Variants in EXT2 observed in about 807,000 individuals in gnomAD.
EXT2 encodes the protein exostosin-2.
Under a neutral mutation model 81.6 loss-of-function variants are expected in EXT2, and 53 were observed. That is an observed-to-expected ratio of 0.65 (90% confidence interval 0.52 to 0.82). The LOEUF (loss-of-function observed/expected upper bound fraction) is 0.82. Among genes scored for constraint, EXT2 ranks in the 40% least tolerant of loss-of-function variants. The probability of loss-of-function intolerance (pLI) is 0.00; values close to 1 mark genes in which losing one functional copy is unlikely to be tolerated. For synonymous variants in EXT2, 320 were observed against 340.0 expected (o/e 0.94, Z 0.65); for missense variants, 774 against 910.2 (o/e 0.85, Z 1.93).
chr11:44,232,274 G>C, intron 10 of EXT2, 79 bp from the exon 11 acceptor site: 1 of 1,591,616 alleles, frequency 6.3e-7, no homozygotes, highest in Non-Finnish European at 8.6e-7. Context: ...GAAGTCTGTT[G>C]ATACCTGTTT....
intron 7 of EXT2, among the ~76,000 whole-genome samples, chr11:44,148,975 CT>C (rs751486374): frequency 6.6e-6 from 1 of 152,182 alleles, no homozygotes; most frequent in Non-Finnish European, 1.5e-5. Flanking sequence ...AAGATTGTTT[CT>C]AGGTTGCTTG....
At chr11:44,118,484 A>G (rs961303692) in intron 4 of EXT2, among the ~76,000 whole-genome samples, 1 of 152,156 alleles carries the variant, frequency 6.6e-6, no homozygotes, top group Non-Finnish European at 1.5e-5. Context: ...TTCTATCTGC[A>G]TTTTTACTCT....
At chr11:44,186,066 T>C (rs1164347688) in intron 8 of EXT2, among the ~76,000 whole-genome samples, 1 of 152,244 alleles carries the variant, frequency 6.6e-6, no homozygotes, top group Non-Finnish European at 1.5e-5. Context: ...CACTGAAGCA[T>C]TTAAGTATTT....
At chr11:44,216,613 T>C (rs1162199168) in intron 10 of EXT2, among the ~76,000 whole-genome samples, 3 of 152,146 alleles carry the variant, frequency 2.0e-5, no homozygotes, top group African/African-American at 4.8e-5. Flanking sequence ...ACTTCCAGCA[T>C]GTTTTTCACA....
At chr11:44,180,535 C>T (rs531322351) in intron 8 of EXT2, among the ~76,000 whole-genome samples, 1 of 152,242 alleles carries the variant, frequency 6.6e-6, no homozygotes, top group South Asian at 2.1e-4. Context: ...TGATCAAGCA[C>T]AAGTGAAGTC....
Position 44,249,812 on chromosome 11 carries a change from T to C in EXT2, c.*5525T>C, listed in dbSNP as rs1956125019. On this transcript the variant is annotated 3_prime_UTR_variant, in exon 14 of 14. Coordinates refer to ENST00000533608, the MANE Select transcript of EXT2 (RefSeq NM_207122.2). ...TTGGCTGGGCATGGTGGCTCATGCC[T>C]GTAATCCCAGCATTTTGGGAGGCCA... is the stretch of plus-strand genomic sequence containing the variant. Among the ~76,000 whole-genome samples the C allele has an allele frequency of 6.6e-6, 1 of 152,232 alleles. No homozygotes were observed.
rs1954539965 is a variant in EXT2 at position 44,134,661 on chromosome 11, G to A, written c.1173+4523G>A. On this transcript the variant is annotated intron_variant, in intron 7 of 13. Coordinates refer to ENST00000533608, the MANE Select transcript of EXT2 (RefSeq NM_207122.2). ...CACAATCTGGGATCTCAGAAGGCTG[G>A]ATAGACACTAGACTGTATCGTTAGA... is the stretch of plus-strand genomic sequence containing the variant. Among the ~76,000 whole-genome samples the A allele has an allele frequency of 2.0e-5, 3 of 152,236 alleles. No homozygotes were observed. The South Asian group carries it at 6.2e-4, about 32-fold the overall frequency.
At chr11:44,122,395 TAGA>T (rs749782739) in intron 4 of EXT2, among the ~76,000 whole-genome samples, 1 of 152,168 alleles carries the variant, frequency 6.6e-6, no homozygotes, top group African/African-American at 2.4e-5. Flanking sequence ...CGTTTGATTA[TAGA>T]AGTAATTTGA....
chr11:44,196,020 A>G (rs1034866183), intron 8 of EXT2, among the ~76,000 whole-genome samples: 2 of 152,240 alleles, frequency 1.3e-5, no homozygotes, highest in African/African-American at 4.8e-5. Flanking sequence ...CTGGTAAAAT[A>G]TATAAGAACA....
Position 44,186,095 on chromosome 11 carries a change from A to C in EXT2, c.1306-11734A>C, listed in dbSNP as rs892350798. Among the ~76,000 whole-genome samples the C allele has an allele frequency of 2.0e-5, 3 of 152,248 alleles. No homozygotes were observed. In the East Asian group the frequency reaches 5.8e-4, roughly 29 times the overall value. Reference sequence around the variant, plus strand: ...AGTATTTTCAGTGTATTTATGAAGTAGCAGGTCCAAGGATGATGATTGAAG... The same window carrying C: ...AGTATTTTCAGTGTATTTATGAAGTCGCAGGTCCAAGGATGATGATTGAAG... On this transcript the variant is annotated intron_variant, in intron 8 of 13. Coordinates refer to ENST00000533608, the MANE Select transcript of EXT2 (RefSeq NM_207122.2).
intron 13 of EXT2, among the ~76,000 whole-genome samples, chr11:44,237,118 G>A (rs1458448401): frequency 6.6e-6 from 1 of 152,160 alleles, no homozygotes; most frequent in Non-Finnish European, 1.5e-5. Flanking sequence ...CATCCCAGTA[G>A]TGCTTGTCAG....
Position 44,247,715 on chromosome 11 carries a change from C to T in EXT2, c.*3428C>T, listed in dbSNP as rs1016058857. ...TGACCATCATGCTGGTCTGTGCTGA[C>T]GCAGACTGGGAGCTGGAAGAGACAA... On this transcript the variant is annotated 3_prime_UTR_variant, in exon 14 of 14. Transcript: ENST00000533608. 2.0e-5 allele frequency among the ~76,000 whole-genome samples: 3 copies of T among 152,210 alleles called. No individual in the cohort carries two copies. Among genetic ancestry groups the T allele is most frequent in the Non-Finnish European group, 2.9e-5 (2 of 68,038 alleles).
intron 7 of EXT2, among the ~76,000 whole-genome samples, chr11:44,168,243 A>G (rs1955022852): frequency 6.6e-6 from 1 of 152,198 alleles, no homozygotes; most frequent in East Asian, 1.9e-4. Flanking sequence ...ACCAAAGAAA[A>G]AGGGCTAGAA....
intron 8 of EXT2, among the ~76,000 whole-genome samples, chr11:44,193,133 A>T (rs1955414003): frequency 6.6e-6 from 1 of 152,240 alleles, no homozygotes; most frequent in Non-Finnish European, 1.5e-5. Flanking sequence ...TAAAAACAGT[A>T]TATTTGGACA....
intron 7 of EXT2, among the ~76,000 whole-genome samples, chr11:44,138,858 T>C (rs1224235843): frequency 1.3e-5 from 2 of 152,150 alleles, no homozygotes; most frequent in Non-Finnish European, 2.9e-5. Flanking sequence ...TTAAATGAGA[T>C]GATTGACTCA....
At chr11:44,175,938 T>C (rs1955152110) in intron 8 of EXT2, among the ~76,000 whole-genome samples, 1 of 152,174 alleles carries the variant, frequency 6.6e-6, no homozygotes, top group Non-Finnish European at 1.5e-5. Flanking sequence ...CAATGACTTA[T>C]CTAAGATCAT....
intron 1 of EXT2, among the ~76,000 whole-genome samples, chr11:44,099,522 A>C (rs1438688188): frequency 4.0e-5 from 6 of 150,924 alleles, no homozygotes; most frequent in African/African-American, 1.2e-4. Context: ...GGGTCTCGCT[A>C]TGTTGCCCAG....
chr11:44,248,344 G>A lies in EXT2; in HGVS notation c.*4057G>A, dbSNP rs1956112838. Among the ~76,000 whole-genome samples, 1 of 152,184 alleles carries A rather than the reference G, an allele frequency of 6.6e-6. No homozygotes were observed. The highest frequency in any genetic ancestry group is 1.5e-5 in the Non-Finnish European group (1 of 68,044). On this transcript the variant is annotated 3_prime_UTR_variant, in exon 14 of 14. Transcript: ENST00000533608. ...ATTGGCAGCAGCTTCCATCCAGAGA[G>A]ACTTTGAAAGCAACTTGAGCTTTCC...
In EXT2 at chr11:44,134,353, G is replaced by T. The variant is rs1954536009; in HGVS notation, c.1173+4215G>T. Among the ~76,000 whole-genome samples the T allele has an allele frequency of 2.6e-5, 4 of 152,280 alleles. No homozygotes were observed. In the South Asian group the frequency reaches 8.3e-4, roughly 32 times the overall value. ...CCATTCACAAAGGGCTTGTGTTGGGGATATATGGGTATAAGCATAAAGAAA... is the reference window on the plus strand; with the variant it reads ...CCATTCACAAAGGGCTTGTGTTGGGTATATATGGGTATAAGCATAAAGAAA... On this transcript the variant is annotated intron_variant, in intron 7 of 13. Transcript: ENST00000533608.
Sources: allele counts gnomAD v4.1 joint callset (sites outside exome capture counted in the v4.1 genomes callset), GRCh38; gene constraint gnomAD v4.1.1; transcripts MANE v1.5; gene names NCBI Gene and HGNC (gene_info 2026-07-23, HGNC 2026-07-21).